The following AKAP6 variants were observed in gnomAD, a reference collection of about 807,000 sequenced individuals.
The protein encoded by AKAP6 is A-kinase anchoring protein 6, also known as A-kinase anchor protein 6.
Under a neutral mutation model 188.5 loss-of-function variants are expected in AKAP6, and 58 were observed. The ratio of observed to expected loss-of-function variants is 0.31; its 90% CI spans 0.25 to 0.38. The LOEUF is 0.38. Ranked by LOEUF, AKAP6 falls within the 10% of genes least tolerant of loss-of-function variation. The pLI, the probability that AKAP6 is intolerant of heterozygous loss-of-function variation, is 1.00. For synonymous variants in AKAP6, 989 were observed against 998.6 expected, an observed-to-expected ratio of 0.99 and a Z score of 0.18; for missense variants, 2,710 against 2,740.0, an observed-to-expected ratio of 0.99 and a Z score of 0.24.
At chr14:32,753,492 T>C (rs1458060232) in intron 11 of AKAP6, among the ~76,000 whole-genome samples, 1 of 152,182 alleles carries the variant, frequency 6.6e-6, no homozygotes, top group African/African-American at 2.4e-5. Flanking sequence ...CTCTGTTGAT[T>C]GTTTCCTTTC....
chr14:32,646,683 A>G (rs1168394063), intron 7 of AKAP6, among the ~76,000 whole-genome samples: 2 of 152,146 alleles, frequency 1.3e-5, no homozygotes, highest in Admixed American at 1.3e-4. Flanking sequence ...GGAACCTTCA[A>G]TGAATGTCAT....
intron 8 of AKAP6, among the ~76,000 whole-genome samples, chr14:32,682,266 C>T (rs1889710133): frequency 6.6e-6 from 1 of 152,198 alleles, no homozygotes; most frequent in South Asian, 2.1e-4. Context: ...ATACCACAGT[C>T]TCTGCCTTCA....
At chr14:32,554,941 C>T (rs1264168295) in intron 4 of AKAP6, among the ~76,000 whole-genome samples, 1 of 152,188 alleles carries the variant, frequency 6.6e-6, no homozygotes, top group Non-Finnish European at 1.5e-5. Context: ...GATACAGAAT[C>T]GATGGATGCA....
intron 1 of AKAP6, among the ~76,000 whole-genome samples, chr14:32,390,217 G>A (rs1335157516): frequency 6.6e-6 from 1 of 151,874 alleles, no homozygotes; most frequent in African/African-American, 2.4e-5. Flanking sequence ...TCTTATTTAT[G>A]GTATCTATTT....
chr14:32,726,760 T>C (rs2030894625), intron 9 of AKAP6, among the ~76,000 whole-genome samples: 1 of 152,244 alleles, frequency 6.6e-6, no homozygotes, highest in South Asian at 2.1e-4. Context: ...GTCTACCATT[T>C]AGGTTACATT....
At chr14:32,492,349 TATATATAG>T (rs1880062773) in intron 2 of AKAP6, among the ~76,000 whole-genome samples, 1 of 59,656 alleles carries the variant, frequency 1.7e-5, no homozygotes, top group Non-Finnish European at 4.0e-5. Context: ...TATATATATA[TATATATAG>T]AGAGAGAGAG....
chr14:32,381,110 GC>G (rs1290349399), intron 1 of AKAP6, among the ~76,000 whole-genome samples: 7 of 152,088 alleles, frequency 4.6e-5, no homozygotes, highest in African/African-American at 1.7e-4. Context: ...GCTGATGGGG[GC>G]AGATCACTTG....
chr14:32,630,740 G>T (rs1162951116), intron 7 of AKAP6, among the ~76,000 whole-genome samples: 1 of 152,030 alleles, frequency 6.6e-6, no homozygotes, highest in Non-Finnish European at 1.5e-5. Flanking sequence ...ATACAAAGGG[G>T]TTAGTTCTTT....
Position 32,701,117 on chromosome 14 carries a change from A to C in AKAP6, c.3000+5007A>C, listed in dbSNP as rs1332054562. On this transcript the variant is annotated intron_variant, in intron 9 of 13. Transcript: ENST00000280979. Reference sequence around the variant, plus strand: ...AAAGGACCATTCATTTATATAATACAATGGCTACTAAACAGATCAATTACA... The same window carrying C: ...AAAGGACCATTCATTTATATAATACCATGGCTACTAAACAGATCAATTACA... Among the ~76,000 whole-genome samples the C allele has an allele frequency of 2.6e-5, 4 of 152,174 alleles. No individual in the cohort carries two copies. The East Asian group carries it at 7.7e-4, about 29-fold the overall frequency.
At chr14:32,580,601 G>A (rs1041625026) in intron 5 of AKAP6, among the ~76,000 whole-genome samples, 3 of 151,914 alleles carry the variant, frequency 2.0e-5, no homozygotes, top group African/African-American at 7.2e-5. Flanking sequence ...TGTGCACAAC[G>A]TGCAGGTTAG....
At chr14:32,601,869 A>G (rs948853533) in intron 7 of AKAP6, among the ~76,000 whole-genome samples, 4 of 152,208 alleles carry the variant, frequency 2.6e-5, no homozygotes, top group Non-Finnish European at 5.9e-5. Context: ...CCATGCAGCC[A>G]GTGAAAAGCT....
intron 12 of AKAP6, among the ~76,000 whole-genome samples, chr14:32,808,078 T>C (rs1344913579): frequency 6.6e-6 from 1 of 152,240 alleles, no homozygotes; most frequent in African/African-American, 2.4e-5. Flanking sequence ...CATCTCACAT[T>C]CTCTTTATTC....
intron 4 of AKAP6, among the ~76,000 whole-genome samples, chr14:32,576,535 A>C (rs1053264106): frequency 6.6e-6 from 1 of 152,126 alleles, no homozygotes; most frequent in African/African-American, 2.4e-5. Context: ...CATTGGTCCC[A>C]CTTTCTACGC....
intron 11 of AKAP6, among the ~76,000 whole-genome samples, chr14:32,741,018 C>CTTTTTTTTTTTT (rs765988445): frequency 2.2e-5 from 3 of 136,746 alleles, no homozygotes; most frequent in Non-Finnish European, 3.2e-5. Flanking sequence ...TTCCTTTTTT[C>CTTTTTTTTTTTT]TTTTTTTTTT....
At chr14:32,573,983 G>A (rs1455035681) in intron 4 of AKAP6, among the ~76,000 whole-genome samples, 2 of 152,112 alleles carry the variant, frequency 1.3e-5, no homozygotes, top group African/African-American at 4.8e-5. Context: ...CAGATAGAGG[G>A]GGCTGAGTGA....
At chr14:32,364,066 AG>A (rs1887748506) in intron 1 of AKAP6, among the ~76,000 whole-genome samples, 1 of 152,128 alleles carries the variant, frequency 6.6e-6, no homozygotes, top group Non-Finnish European at 1.5e-5. Flanking sequence ...ATCTCATCTG[AG>A]TGGTAGGAGA....
At chr14:32,829,638 G>A (rs936781433) in intron 13 of AKAP6, among the ~76,000 whole-genome samples, 4 of 150,510 alleles carry the variant, frequency 2.7e-5, no homozygotes, top group East Asian at 1.9e-4. Context: ...AAAAATCAAT[G>A]TATTTTTCAC....
At chr14:32,828,577 A>T (rs2034743670) in intron 13 of AKAP6, among the ~76,000 whole-genome samples, 1 of 149,344 alleles carries the variant, frequency 6.7e-6, no homozygotes, top group South Asian at 2.1e-4. Flanking sequence ...ACACACTCTC[A>T]CACCCCAGAT....
chr14:32,573,380 ATAT>A (rs1198329030), intron 4 of AKAP6, among the ~76,000 whole-genome samples: 1 of 152,204 alleles, frequency 6.6e-6, no homozygotes, highest in African/African-American at 2.4e-5. Context: ...TGAATTCAGA[ATAT>A]TAGAAACACA....
Sources: allele counts gnomAD v4.1 joint callset (sites outside exome capture counted in the v4.1 genomes callset), GRCh38; gene constraint gnomAD v4.1.1; transcripts MANE v1.5; gene names NCBI Gene and HGNC (gene_info 2026-07-23, HGNC 2026-07-21).